Variants in EDN1 observed in about 807,000 individuals in gnomAD.
The protein encoded by EDN1 is endothelin 1.
EDN1 carries 11 observed loss-of-function variants against 21.7 expected under a neutral mutation model. That is an observed-to-expected ratio of 0.51 (90% CI 0.32 to 0.84). EDN1 has a LOEUF of 0.84. Among genes scored for constraint, EDN1 ranks in the 40% least tolerant of loss-of-function variants. The pLI, the probability that EDN1 is intolerant of heterozygous loss-of-function variation, is 0.03. For synonymous variants in EDN1, 85 were observed against 90.6 expected (o/e 0.94, Z 0.35); for missense variants, 244 against 262.3 (o/e 0.93, Z 0.48).
chr6:12,246,569 G>A, the EDN1 span, among the ~76,000 whole-genome samples: 1 of 152,100 alleles, frequency 6.6e-6, no homozygotes, highest in Non-Finnish European at 1.5e-5. Flanking sequence ...TAGTGTAAAT[G>A]TCAAGGCTGT....
At chr6:12,262,989 G>T in the EDN1 span, among the ~76,000 whole-genome samples, 1 of 152,100 alleles carries the variant, frequency 6.6e-6, no homozygotes, top group Non-Finnish European at 1.5e-5. Context: ...TGTGGAAGCT[G>T]AGTGTTTACA....
At chr6:12,241,833 C>T in the EDN1 span, among the ~76,000 whole-genome samples, 4 of 152,138 alleles carry the variant, frequency 2.6e-5, no homozygotes, top group Admixed American at 2.6e-4. Context: ...CAAATTGCAT[C>T]AACATACTTG....
chr6:12,276,460 C>T, the EDN1 span, among the ~76,000 whole-genome samples: 2 of 152,166 alleles, frequency 1.3e-5, no homozygotes, highest in African/African-American at 2.4e-5. Flanking sequence ...CATTCCTTTA[C>T]GCCAAGGAAT....
intron 4 of EDN1, among the ~76,000 whole-genome samples, chr6:12,295,091 A>G (rs775872949): frequency 1.3e-5 from 2 of 152,014 alleles, no homozygotes; most frequent in Non-Finnish European, 2.9e-5. Flanking sequence ...ACCCTTCCAA[A>G]TCCTAAACTT....
chr6:12,265,004 C>G, the EDN1 span, among the ~76,000 whole-genome samples: 1 of 152,090 alleles, frequency 6.6e-6, no homozygotes, highest in Admixed American at 6.6e-5. Flanking sequence ...AGAGACAAGT[C>G]CAACACATAA....
chr6:12,263,940 A>T, the EDN1 span, among the ~76,000 whole-genome samples: 3 of 152,204 alleles, frequency 2.0e-5, no homozygotes, highest in African/African-American at 7.2e-5. Context: ...AACTTGTTTG[A>T]GTTCATGAAT....
the EDN1 span, among the ~76,000 whole-genome samples, chr6:12,278,819 C>T: frequency 6.6e-6 from 1 of 152,074 alleles, no homozygotes; most frequent in African/African-American, 2.4e-5. Flanking sequence ...ATTGCTTGAA[C>T]CCTGGAGGCG....
At chr6:12,294,893 G>C (rs1188026666) in intron 4 of EDN1, among the ~76,000 whole-genome samples, 1 of 142,100 alleles carries the variant, frequency 7.0e-6, no homozygotes, top group Non-Finnish European at 1.5e-5. Context: ...GTAGAATTTA[G>C]AACATGCTGT....
the EDN1 span, among the ~76,000 whole-genome samples, chr6:12,272,759 G>A: frequency 2.6e-5 from 4 of 151,978 alleles, no homozygotes; most frequent in African/African-American, 7.3e-5. Context: ...GGGCCACTGC[G>A]CCCAGCTGAG....
At chr6:12,287,772 G>GCGCC (rs1561691033), upstream of EDN1, among the ~76,000 whole-genome samples, 3 of 147,962 alleles carry the variant, frequency 2.0e-5, no homozygotes, top group African/African-American at 7.5e-5. Context: ...GCGCGCGCGC[G>GCGCC]CAGGCACACG....
the EDN1 span, among the ~76,000 whole-genome samples, chr6:12,234,116 GCACTTTGCTATT>G: frequency 6.6e-6 from 1 of 152,326 alleles, no homozygotes; most frequent in African/African-American, 2.4e-5. Context: ...AATGTTGAAT[GCACTTTGCTATT>G]CACTACTTTT....
At chr6:12,274,388 T>G in the EDN1 span, among the ~76,000 whole-genome samples, 2 of 152,218 alleles carry the variant, frequency 1.3e-5, no homozygotes, top group Admixed American at 6.5e-5. Context: ...AGCCCTGTGA[T>G]GCCATCAAAA....
chr6:12,275,421 C>T, the EDN1 span, among the ~76,000 whole-genome samples: 1 of 152,148 alleles, frequency 6.6e-6, no homozygotes, highest in African/African-American at 2.4e-5. Context: ...ACAAAATCCT[C>T]ATTAAAATAG....
the EDN1 span, among the ~76,000 whole-genome samples, chr6:12,262,805 G>A: frequency 1.3e-5 from 2 of 151,574 alleles, no homozygotes; most frequent in East Asian, 3.9e-4. Flanking sequence ...CTGGGAGGGG[G>A]AGGTTGCAGT....
the EDN1 span, among the ~76,000 whole-genome samples, chr6:12,238,234 T>G: frequency 6.6e-6 from 1 of 151,642 alleles, no homozygotes; most frequent in African/African-American, 2.4e-5. Flanking sequence ...AGTCCGTGCT[T>G]CTATTTCTTT....
At chr6:12,280,783 C>T in the EDN1 span, among the ~76,000 whole-genome samples, 1 of 152,138 alleles carries the variant, frequency 6.6e-6, no homozygotes, top group African/African-American at 2.4e-5. Flanking sequence ...ATCCCAGCTA[C>T]TCGGGAGGCT....
At chr6:12,295,321 C>A (rs1203238271) in intron 4 of EDN1, among the ~76,000 whole-genome samples, 3 of 152,084 alleles carry the variant, frequency 2.0e-5, no homozygotes, top group Admixed American at 2.0e-4. Context: ...TTCACACCTG[C>A]TTATGAGAGT....
chr6:12,252,829 G>A, the EDN1 span, among the ~76,000 whole-genome samples: 1 of 151,958 alleles, frequency 6.6e-6, no homozygotes, highest in Admixed American at 6.6e-5. Flanking sequence ...GAATAAATTT[G>A]TCCTTGAGGA....
chr6:12,272,883 G>A, the EDN1 span, among the ~76,000 whole-genome samples: 1 of 152,196 alleles, frequency 6.6e-6, no homozygotes, highest in Non-Finnish European at 1.5e-5. Context: ...AAGAGTTTGG[G>A]ATAACAGGGA....
Sources: gnomAD v4.1 joint callset for allele counts (sites outside exome capture counted in the v4.1 genomes callset) on GRCh38, gnomAD v4.1.1 for gene constraint, MANE v1.5 for transcripts, NCBI Gene and HGNC (gene_info 2026-07-23, HGNC 2026-07-21) for gene names.